The following KIF3A variants were observed in gnomAD, a reference collection of about 807,000 sequenced individuals.
KIF3A encodes the protein kinesin family member 3A.
Under a neutral mutation model 92.6 loss-of-function variants are expected in KIF3A, and 27 were observed. That is an observed-to-expected ratio of 0.29 (90% CI 0.21 to 0.40). The LOEUF (loss-of-function observed/expected upper bound fraction) is 0.40. Among genes scored for constraint, KIF3A ranks in the 10% least tolerant of loss-of-function variants. KIF3A has a pLI of 1.00. For synonymous variants in KIF3A, 250 were observed against 275.4 expected (o/e 0.91, Z 0.92); for missense variants, 581 against 872.6 (o/e 0.67, Z 4.21).
intron 11 of KIF3A, 57 bp downstream of exon 11, chr5:132,706,394 T>C (rs1753211276): frequency 7.7e-6 from 10 of 1,298,116 alleles, no homozygotes; most frequent in Admixed American, 2.7e-5. Flanking sequence ...TTAAATAACA[T>C]AGTTCTTTAT....
At chr5:132,689,443 A>C (rs989276452), downstream of KIF3A, 7 of 152,274 alleles carry the variant, frequency 4.6e-5, no homozygotes, top group Non-Finnish European at 1.0e-4. Context: ...ATGATGATCC[A>C]GAGAAAAATA....
intron 11 of KIF3A, among the ~76,000 whole-genome samples, chr5:132,704,842 T>G (rs1342946061): frequency 6.6e-6 from 1 of 151,844 alleles, no homozygotes; most frequent in African/African-American, 2.4e-5. Flanking sequence ...ATAATTATGA[T>G]GGAGATATAT....
chr5:132,691,329 C>T (rs1351044378), downstream of KIF3A, among the ~76,000 whole-genome samples: 4 of 152,114 alleles, frequency 2.6e-5, no homozygotes, highest in African/African-American at 4.8e-5. Context: ...GGGTGGATCA[C>T]CTGAGGTTGG....
chr5:132,713,577 TAAC>T (rs1753505125), intron 8 of KIF3A, among the ~76,000 whole-genome samples: 2 of 152,176 alleles, frequency 1.3e-5, no homozygotes, highest in African/African-American at 4.8e-5. Flanking sequence ...TGAAATGTAT[TAAC>T]AACAGTATTA....
chr5:132,712,173 C>A (rs903583130), intron 8 of KIF3A, among the ~76,000 whole-genome samples: 3 of 152,102 alleles, frequency 2.0e-5, no homozygotes, highest in Non-Finnish European at 4.4e-5. Context: ...ACAGCTAGTG[C>A]CCAAAACTGG....
rs1490455681 is a variant in KIF3A, at chr5:132,693,488, C to T, written c.*3146G>A. The T allele has an allele frequency of 3.9e-5, 6 of 152,752 alleles. No individual in the cohort carries two copies. The highest frequency in any genetic ancestry group is 4.4e-5 in the Non-Finnish European group (3 of 68,044). 9.5% of individuals were successfully genotyped at this position (152,752 alleles called of 1,614,324 possible). A position where few individuals can be genotyped will look rare whatever the true frequency, so the allele number is the denominator to read the frequency against. ...AACCTATTTATATATATGTGCCACT[C>T]ATTTTAAATCTGCATATTTATTTCA... is the stretch of plus-strand genomic sequence containing the variant. On this transcript the variant is annotated 3_prime_UTR_variant, in exon 19 of 19. Coordinates refer to ENST00000403231, the MANE Select transcript of KIF3A (RefSeq NM_001300791.2).
At chr5:132,726,239 A>G (rs760302835) in intron 3 of KIF3A, 27 bp from the exon 4 acceptor site, 2 of 1,587,650 alleles carry the variant, frequency 1.3e-6, no homozygotes, top group South Asian at 2.3e-5. Context: ...TTAAAAAGTC[A>G]AAGAGTGAAA....
Position 132,693,987 on chromosome 5 carries a change from A to C in KIF3A, c.*2647T>G, listed in dbSNP as rs541914288. 6.6e-6 allele frequency: 1 copy of C among 152,036 alleles called. No individual in the cohort carries two copies. Among genetic ancestry groups the C allele is most frequent in the South Asian group, 2.1e-4 (1 of 4,802 alleles). 9.4% of individuals were successfully genotyped at this position (152,036 alleles called of 1,614,324 possible). On this transcript the variant is annotated 3_prime_UTR_variant, in exon 19 of 19. Coordinates refer to ENST00000403231, the MANE Select transcript of KIF3A (RefSeq NM_001300791.2). ...CAGAGTAAGACTCCGTCTCAAAAAA[A>C]AAAAAAAGATATTCAGGCCAGGCTT...
chr5:132,708,417 T>A (rs1427436821), intron 10 of KIF3A, among the ~76,000 whole-genome samples: 1 of 152,196 alleles, frequency 6.6e-6, no homozygotes, highest in South Asian at 2.1e-4. Context: ...TTTTCTTTAT[T>A]TGGGAGCCTT....
intron 2 of KIF3A, among the ~76,000 whole-genome samples, chr5:132,729,000 C>T (rs1754134470): frequency 6.6e-6 from 1 of 152,060 alleles, no homozygotes; most frequent in Non-Finnish European, 1.5e-5. Flanking sequence ...GAACTAGAGA[C>T]TATTATTCTA....
intron 10 of KIF3A, among the ~76,000 whole-genome samples, chr5:132,708,380 C>G (rs1275752090): frequency 6.6e-6 from 1 of 150,882 alleles, no homozygotes. Context: ...CTATTCAATT[C>G]ATCTTTACTT....
chr5:132,728,508 G>A (rs1754113583), intron 2 of KIF3A, among the ~76,000 whole-genome samples: 1 of 152,078 alleles, frequency 6.6e-6, no homozygotes, highest in Admixed American at 6.5e-5. Context: ...AGGCCAAGGA[G>A]GGCAGATCAC....
At chr5:132,700,605 T>C (rs1173654973) in intron 16 of KIF3A, 42 bp downstream of exon 16, 2 of 1,327,472 alleles carry the variant, frequency 1.5e-6, no homozygotes, top group Admixed American at 1.7e-5. Context: ...CCATAGGAAG[T>C]ACTCTTTAAT....
chr5:132,716,198 A>G (rs1192468259), intron 7 of KIF3A, 47 bp downstream of exon 7: 1 of 1,425,458 alleles, frequency 7.0e-7, no homozygotes, highest in Admixed American at 1.8e-5. Flanking sequence ...CATAAATTAC[A>G]ATCTTAAATT....
chr5:132,720,809 G>A, intron 4 of KIF3A, 95 bp from the exon 5 acceptor site: 1 of 658,750 alleles, frequency 1.5e-6, no homozygotes, highest in Non-Finnish European at 2.6e-6. Context: ...CTAGACAGAG[G>A]GAATATACTG....
intron 5 of KIF3A, among the ~76,000 whole-genome samples, chr5:132,718,673 C>A (rs1487251907): frequency 6.6e-6 from 1 of 152,050 alleles, no homozygotes; most frequent in Non-Finnish European, 1.5e-5. Flanking sequence ...ATTGCCCAGG[C>A]TGGAGTTCAG....
intron 10 of KIF3A, among the ~76,000 whole-genome samples, chr5:132,707,761 A>G (rs1275286550): frequency 6.6e-6 from 1 of 152,230 alleles, no homozygotes; most frequent in Non-Finnish European, 1.5e-5. Context: ...TAGTTTTGAA[A>G]GGGTAAGTAT....
chr5:132,705,356 T>C (rs561068983), intron 11 of KIF3A, among the ~76,000 whole-genome samples: 88 of 151,944 alleles, frequency 5.8e-4, no homozygotes, highest in Non-Finnish European at 8.1e-4. Flanking sequence ...ACAAAAATAA[T>C]AAATGCATGA....
chr5:132,699,325 C>T, intron 17 of KIF3A, 30 bp from the exon 18 acceptor site: 1 of 1,606,354 alleles, frequency 6.2e-7, no homozygotes, highest in Admixed American at 1.7e-5. Context: ...ACAAAGCACT[C>T]TTAAGGCAAA....
Sources: gnomAD v4.1 joint callset for allele counts (sites outside exome capture counted in the v4.1 genomes callset) on GRCh38, gnomAD v4.1.1 for gene constraint, MANE v1.5 for transcripts, NCBI Gene and HGNC (gene_info 2026-07-23, HGNC 2026-07-21) for gene names.